TSPAN33: variants seen among roughly 807,000 people sequenced by gnomAD.
TSPAN33 encodes tetraspanin 33.
Under a neutral mutation model 34.8 loss-of-function variants are expected in TSPAN33, and 27 were observed. The observed-to-expected ratio is 0.78, with a 90% CI of 0.57 to 1.07. TSPAN33 has a LOEUF of 1.07. Among genes scored for constraint, TSPAN33 ranks in the 50% least tolerant of loss-of-function variants. TSPAN33 has a pLI of 0.00. For missense variants in TSPAN33, 272 were observed against 324.9 expected (o/e 0.84, Z 1.25); for synonymous variants, 119 against 124.2 (o/e 0.96, Z 0.28).
intron 6 of TSPAN33, 76 bp downstream of exon 6, chr7:129,166,982 G>T: frequency 6.5e-7 from 1 of 1,533,926 alleles, no homozygotes; most frequent in Non-Finnish European, 8.9e-7. Flanking sequence ...CTGCTACTGG[G>T]GATCCCCATC....
chr7:129,146,940 AT>A lies in TSPAN33; in HGVS notation c.102+1868del, dbSNP rs372627908. Among the ~76,000 whole-genome samples, 130 of 147,024 alleles carry A rather than the reference AT, an allele frequency of 8.8e-4. 1 individual carries two copies. The highest frequency in any genetic ancestry group is 2.8e-3 in the African/African-American group (113 of 40,124). ...ATCTGTTACACTTGTGTTCCTGGTCATTTTTTTTTTCTCGAGCTTCCCTACC... is the reference window on the plus strand; with the variant it reads ...ATCTGTTACACTTGTGTTCCTGGTCATTTTTTTTTCTCGAGCTTCCCTACC... On this transcript the variant is annotated intron_variant, in intron 1 of 7. Transcript: ENST00000486685.
rs1793199040 is a variant in TSPAN33 at position 129,169,406 on chromosome 7, G to GC, written c.*1532_*1533insC. 1 of 152,274 alleles carries GC rather than the reference G, an allele frequency of 6.6e-6. No individual in the cohort carries two copies. The highest frequency in any genetic ancestry group is 1.5e-5 in the Non-Finnish European group (1 of 68,070). The allele number at this position is 152,274 out of a possible 1,614,324, so 9.4% of individuals were successfully genotyped here. On this transcript the variant is annotated 3_prime_UTR_variant, in exon 8 of 8. Transcript: ENST00000486685. ...CGCCTGCGTCCCCCAACCCGGAGGA[G>GC]ATGGGGGGCTGTGCTAGCTGCTTGC...
intron 1 of TSPAN33, among the ~76,000 whole-genome samples, chr7:129,154,341 A>C (rs1810639913): frequency 6.6e-6 from 1 of 151,964 alleles, no homozygotes; most frequent in African/African-American, 2.4e-5. Context: ...GGGGGAAGAA[A>C]AAAAGATCCA....
Position 129,167,671 on chromosome 7 carries a change from G to A in TSPAN33, c.751-102G>A, listed in dbSNP as rs1160106611. 1.3e-5 allele frequency: 21 copies of A among 1,558,610 alleles called. 1 individual carries two copies. The highest frequency in any genetic ancestry group is 8.1e-5 in the African/African-American group (6 of 74,070). ...GTGTCAGGCACTGACATGGCTGAGG[G>A]GTAGGGAAAGGGATAGTGCTGGCCG... On this transcript the variant is annotated intron_variant, in intron 7 of 7. Coordinates refer to ENST00000486685, the MANE Select transcript of TSPAN33 (RefSeq NM_178562.5). This position sits in a 1 kb window ranked among gnomAD's most constrained non-coding sequence, Gnocchi z 4.6.
chr7:129,155,658 T>G (rs893373687), intron 1 of TSPAN33, among the ~76,000 whole-genome samples: 54 of 266 alleles, frequency 0.2, no homozygotes, highest in South Asian at 0.4. Flanking sequence ...CTTTATTGGT[T>G]TTTTTTTTCA....
In TSPAN33 at chr7:129,144,795, C is replaced by T. The variant is rs1281727433; in HGVS notation, c.-186C>T. 6.7e-6 allele frequency: 1 copy of T among 149,368 alleles called. No individual in the cohort carries two copies. The highest frequency in any genetic ancestry group is 1.5e-5 in the Non-Finnish European group (1 of 67,090). The allele number at this position is 149,368 out of a possible 1,614,324, so 9.3% of individuals were successfully genotyped here. A position where few individuals can be genotyped will look rare whatever the true frequency, so the allele number is the denominator to read the frequency against. ...CCACCGCGGCTCCAGCAGCTCCAGG[C>T]GCGGTTCCCCGGCCCGCGCCGCTCC... On this transcript the variant is annotated 5_prime_UTR_variant, in exon 1 of 8. Transcript: ENST00000486685.
chr7:129,151,188 G>A (rs1810588658), intron 1 of TSPAN33, among the ~76,000 whole-genome samples: 1 of 152,054 alleles, frequency 6.6e-6, no homozygotes, highest in South Asian at 2.1e-4. Flanking sequence ...GTGCAGTGAT[G>A]GGATCACAGC....
In TSPAN33 at chr7:129,167,915, C is replaced by T; in HGVS notation, c.*41C>T. The stretch of plus-strand genomic sequence containing the variant: ...CTCCTCACCATGGAAACTGGCAAGC[C>T]TCATAAACGAACAGCAGTGGGTGCT... On this transcript the variant is annotated 3_prime_UTR_variant, in exon 8 of 8. Coordinates refer to ENST00000486685, the MANE Select transcript of TSPAN33 (RefSeq NM_178562.5). The surrounding 1 kb of genome is among the most constrained non-coding windows in gnomAD (Gnocchi z 4.6). 1.2e-6 allele frequency: 2 copies of T among 1,606,564 alleles called. No individual in the cohort carries two copies. Among genetic ancestry groups the T allele is most frequent in the Non-Finnish European group, 1.7e-6 (2 of 1,176,730 alleles).
In TSPAN33 at chr7:129,162,520, C is replaced by T. The variant is rs768190545; in HGVS notation, c.287C>T (p.Thr96Met). The change falls in exon 3 of 8, where the codon ACG (threonine) becomes ATG (methionine). Residue 96 changes from threonine (T) to methionine (M), a missense_variant and splice_region_variant. Transcript: ENST00000486685. ...CGCGAGAACATCTGCCTCCTGCAGA[C>T]GGTGAGTGGTCAAGGCCCCACTGGA... ...SLRENICLLQ[T>M]FSLCLTAVFL... 1.2e-5 allele frequency: 20 copies of T among 1,612,316 alleles called. No individual in the cohort carries two copies. Among genetic ancestry groups the T allele is most frequent in the African/African-American group, 8.0e-5 (6 of 74,918 alleles).
chr7:129,145,883 C>T (rs545357603), intron 1 of TSPAN33, among the ~76,000 whole-genome samples: 1 of 152,086 alleles, frequency 6.6e-6, no homozygotes, highest in African/African-American at 2.4e-5. Flanking sequence ...GACTCCCTCC[C>T]CCACAAATCC....
At chr7:129,157,622 A>G (rs574045206) in intron 1 of TSPAN33, among the ~76,000 whole-genome samples, 8 of 152,278 alleles carry the variant, frequency 5.3e-5, no homozygotes, top group African/African-American at 1.7e-4. Flanking sequence ...CTAGGTCCCA[A>G]TGCCAAAGAT....
At chr7:129,161,651 G>A in intron 1 of TSPAN33, 28 bp from the exon 2 acceptor site, 1 of 1,613,094 alleles carries the variant, frequency 6.2e-7, no homozygotes, top group Non-Finnish European at 8.5e-7. Flanking sequence ...CAGAATCTCA[G>A]GGTCTGGCTC....
chr7:129,156,045 G>A (rs1227808702), intron 1 of TSPAN33, among the ~76,000 whole-genome samples: 1 of 152,028 alleles, frequency 6.6e-6, no homozygotes. Context: ...ATTACATTTA[G>A]TTGTCATGTC....
In TSPAN33 at chr7:129,161,699, G is replaced by A. The variant is rs1459857791; in HGVS notation, c.123G>A (p.Val41=). The A allele has an allele frequency of 6.2e-7, 1 of 1,614,082 alleles. No individual in the cohort carries two copies. The highest frequency in any genetic ancestry group is 1.3e-5 in the African/African-American group (1 of 74,922). Residue 41 remains valine (V), a synonymous_variant, in exon 2 of 8, where the codon GTG becomes GTA. Transcript: ENST00000486685. The part of the protein sequence containing the change: ...MLFWVISMVM[V]AVGVYARLMK... ...CACAGGTGATTTCCATGGTGATGGT[G>A]GCTGTGGGTGTCTACGCTCGGCTAA... is the stretch of plus-strand genomic sequence containing the variant.
chr7:129,167,946 C>G lies in TSPAN33; in HGVS notation c.*72C>G, dbSNP rs1793169928. ...AACGAACAGCAGTGGGTGCTGAAAG[C>G]AGCACCAAATGGAGATTTGGATTCC... On this transcript the variant is annotated 3_prime_UTR_variant, in exon 8 of 8. Coordinates refer to ENST00000486685, the MANE Select transcript of TSPAN33 (RefSeq NM_178562.5). This position sits in a 1 kb window ranked among gnomAD's most constrained non-coding sequence, Gnocchi z 4.6. 24 of 1,560,170 alleles carry G rather than the reference C, an allele frequency of 1.5e-5. No individual in the cohort carries two copies. In the South Asian group the frequency reaches 2.7e-4, roughly 18 times the overall value.
At chr7:129,151,590 G>T (rs1295518374) in intron 1 of TSPAN33, among the ~76,000 whole-genome samples, 1 of 152,120 alleles carries the variant, frequency 6.6e-6, no homozygotes, top group Non-Finnish European at 1.5e-5. Context: ...GTACTGTCTT[G>T]TGGGCTAGAA....
At position 129,162,375 on chromosome 7, in the gene TSPAN33, G is replaced by A; in HGVS notation, c.161-19G>A. ...TCAGTGGGCACCAGGCTCAGGCTGAGGGCCGGCTCCTTTTCCAGAAGCAGC... is the reference window on the plus strand; with the variant it reads ...TCAGTGGGCACCAGGCTCAGGCTGAAGGCCGGCTCCTTTTCCAGAAGCAGC... On this transcript the variant is annotated intron_variant, in intron 2 of 7. Transcript: ENST00000486685. 6.2e-7 allele frequency: 1 copy of A among 1,610,088 alleles called. No homozygotes were observed. The highest frequency in any genetic ancestry group is 8.5e-7 in the Non-Finnish European group (1 of 1,179,942).
rs577419224 is a variant in TSPAN33 at position 129,144,965 on chromosome 7, T to C, written c.-16T>C. 1.3e-4 allele frequency: 81 copies of C among 603,128 alleles called. 2 individuals carry two copies. The highest frequency in any genetic ancestry group is 1.1e-3 in the African/African-American group (54 of 50,402). 37.4% of individuals were successfully genotyped at this position (603,128 alleles called of 1,614,324 possible). A position where few individuals can be genotyped will look rare whatever the true frequency, so the allele number is the denominator to read the frequency against. On this transcript the variant is annotated 5_prime_UTR_variant, in exon 1 of 8. Coordinates refer to ENST00000486685, the MANE Select transcript of TSPAN33 (RefSeq NM_178562.5). ...CTGGGAAATAGGCCCCCGGGGGCGG[T>C]GGCGGCGGCGGGGCCATGGCGCGGA... is the stretch of plus-strand genomic sequence containing the variant.
chr7:129,146,711 C>A (rs945860998), intron 1 of TSPAN33, among the ~76,000 whole-genome samples: 2 of 152,254 alleles, frequency 1.3e-5, no homozygotes, highest in African/African-American at 4.8e-5. Flanking sequence ...TACTAAGAGA[C>A]TCCCCACTTA....
Sources: gnomAD v4.1 joint callset for allele counts (sites outside exome capture counted in the v4.1 genomes callset) on GRCh38, gnomAD v4.1.1 for gene constraint, Gnocchi (gnomAD v3.1) non-coding constraint, MANE v1.5 for transcripts, NCBI Gene and HGNC (gene_info 2026-07-23, HGNC 2026-07-21) for gene names.